The following TM4SF5 variants were observed in gnomAD, a reference collection of about 807,000 sequenced individuals.
TM4SF5 encodes transmembrane 4 L6 family member 5.
Under a neutral mutation model 22.3 loss-of-function variants are expected in TM4SF5, and 16 were observed. The ratio of observed to expected loss-of-function variants is 0.72; its 90% CI spans 0.49 to 1.09. The LOEUF is 1.09. Ranked by LOEUF, TM4SF5 falls within the 50% of genes least tolerant of loss-of-function variation. TM4SF5 has a pLI of 0.00. For synonymous variants in TM4SF5, 113 were observed against 109.6 expected (o/e 1.03, Z -0.19); for missense variants, 249 against 266.1 (o/e 0.94, Z 0.45).
Position 4,771,903 on chromosome 17 carries a change from G to A in TM4SF5, c.-20G>A, listed in dbSNP as rs1472331769. The A allele has an allele frequency of 1.2e-6, 2 of 1,613,938 alleles. No homozygotes were observed. The highest frequency in any genetic ancestry group is 1.7e-6 in the Non-Finnish European group (2 of 1,179,902). On this transcript the variant is annotated 5_prime_UTR_variant, in exon 1 of 5. Coordinates refer to ENST00000270560, the MANE Select transcript of TM4SF5 (RefSeq NM_003963.3). ...ACTGGCTTACTTTCACTCACCGCCT[G>A]TCCTTCCTGACACCTCACCATGTGT...
In TM4SF5 at chr17:4,782,803, G is replaced by T. The variant is rs765566807; in HGVS notation, c.396-51G>T. 4.4e-6 allele frequency: 7 copies of T among 1,583,824 alleles called. No individual in the cohort carries two copies. The African/African-American group carries it at 6.7e-5, about 15-fold the overall frequency. On this transcript the variant is annotated intron_variant, in intron 3 of 4. Transcript: ENST00000270560. ...CCTGGGACGTATTCTTGGGGGCGGG[G>T]TGGCGCACGCGCACGCTGCCTTCTC...
In TM4SF5 at chr17:4,782,590, C is replaced by T. The variant is rs1182941710; in HGVS notation, c.346C>T (p.Pro116Ser). ...SVSGAGLRNG[P>S]RCLMNGEWGY... is the part of the protein sequence containing the mutation. ...GTCTGGAGCTGGGCTCCGAAATGGACCCAGATGCTTAATGAACGGCGAGTG... is the reference window on the plus strand; with the variant it reads ...GTCTGGAGCTGGGCTCCGAAATGGATCCAGATGCTTAATGAACGGCGAGTG... The change falls in exon 3 of 5, where the codon CCC becomes TCC. Residue 116 changes from proline to serine, a missense_variant. Physicochemically the swap from Pro to Ser is moderately conservative, Grantham distance 74. Transcript: ENST00000270560. The T allele has an allele frequency of 6.2e-7, 1 of 1,613,992 alleles. No individual in the cohort carries two copies. Among genetic ancestry groups the T allele is most frequent in the African/African-American group, 1.3e-5 (1 of 74,918 alleles).
intron 3 of TM4SF5, 47 bp from the exon 4 acceptor site, chr17:4,782,807 C>T (rs372897841): frequency 7.6e-6 from 12 of 1,584,000 alleles, no homozygotes; most frequent in Admixed American, 3.5e-5. Context: ...GGCGGGGTGG[C>T]GCACGCGCAC....
chr17:4,774,682 C>T (rs1342275802), intron 1 of TM4SF5, among the ~76,000 whole-genome samples: 7 of 152,102 alleles, frequency 4.6e-5, no homozygotes, highest in East Asian at 1.9e-4. Context: ...CTGAGGCAGG[C>T]GGATCACCGA....
chr17:4,779,786 A>C (rs1253332726), intron 1 of TM4SF5, among the ~76,000 whole-genome samples: 1 of 152,196 alleles, frequency 6.6e-6, no homozygotes, highest in African/African-American at 2.4e-5. Context: ...ATTCAAGTGA[A>C]CATAGGATCT....
intron 2 of TM4SF5, among the ~76,000 whole-genome samples, chr17:4,781,135 TAAAAA>T (rs541886050): frequency 8.0e-6 from 1 of 125,170 alleles, no homozygotes; most frequent in Non-Finnish European, 1.6e-5. Flanking sequence ...AGCAGTGATT[TAAAAA>T]AAAAAAAAAA....
Position 4,780,821 on chromosome 17 carries a change from AG to A in TM4SF5, c.215del (p.Gly72AlafsTer48). 1 of 1,610,364 alleles carries A rather than the reference AG, an allele frequency of 6.2e-7. No homozygotes were observed. Among genetic ancestry groups the A allele is most frequent in the African/African-American group, 1.3e-5 (1 of 74,894 alleles). ...LCPGIAAVRAGGKGCCGAGCC... is the reference protein window; with the variant it reads ...LCPGIAAVRAXGKGCCGAGCC... ...GTCCGGGGATTGCAGCCGTTCGGGC[AG>A]GGGGCAAGGGCTGCTGTGGTGCTGG... On this transcript the variant is annotated frameshift_variant, in exon 2 of 5. Transcript: ENST00000270560. LOFTEE classifies it high-confidence loss of function.
intron 2 of TM4SF5, among the ~76,000 whole-genome samples, chr17:4,782,036 TAG>T (rs1327083915): frequency 6.6e-6 from 1 of 151,170 alleles, no homozygotes; most frequent in Non-Finnish European, 1.5e-5. Context: ...AGGAATTCCA[TAG>T]AGAGTGCTGT....
intron 2 of TM4SF5, 119 bp from the exon 3 acceptor site, chr17:4,782,384 A>G: frequency 7.6e-7 from 1 of 1,316,988 alleles, no homozygotes; most frequent in Non-Finnish European, 1.1e-6. Flanking sequence ...CGGCATTAAA[A>G]AATACATTTT....
intron 2 of TM4SF5, 92 bp from the exon 3 acceptor site, chr17:4,782,408 GAGC>G (rs1917328407): frequency 5.4e-6 from 8 of 1,467,916 alleles, no homozygotes; most frequent in Non-Finnish European, 6.6e-6. Context: ...AACCCGACTG[GAGC>G]AGATTTCGAT....
chr17:4,782,996 G>A lies in TM4SF5; in HGVS notation c.538G>A (p.Ala180Thr). The A allele has an allele frequency of 1.2e-6, 2 of 1,614,220 alleles. No homozygotes were observed. The highest frequency in any genetic ancestry group is 1.7e-6 in the Non-Finnish European group (2 of 1,180,048). ...ACTGTGTGGGATCCAGCTGGTGAACGCGACCATTGGTGTCTTCTGCGGCGA... is the reference window on the plus strand; with the variant it reads ...ACTGTGTGGGATCCAGCTGGTGAACACGACCATTGGTGTCTTCTGCGGCGA... ...IVLCGIQLVN[A>T]TIGVFCGDCR... The change falls in exon 4 of 5, where the codon GCG (alanine) becomes ACG (threonine). Residue 180 changes from alanine (A) to threonine (T), a missense_variant. Ala to Thr is a moderately conservative substitution (Grantham distance 58). Transcript: ENST00000270560.
Position 4,782,889 on chromosome 17 carries a change from G to A in TM4SF5, c.431G>A (p.Arg144Gln), listed in dbSNP as rs771748392. 1 of 1,613,998 alleles carries A rather than the reference G, an allele frequency of 6.2e-7. No homozygotes were observed. Among genetic ancestry groups the A allele is most frequent in the Admixed American group, 1.7e-5 (1 of 60,002 alleles). ...AYLLNRTLWD[R>Q]CEAPPRVVPW... Reference sequence around the variant, plus strand: ...TTGCTCAACCGCACTCTATGGGATCGGTGCGAGGCGCCCCCTCGCGTGGTC... The same window carrying A: ...TTGCTCAACCGCACTCTATGGGATCAGTGCGAGGCGCCCCCTCGCGTGGTC... Residue 144 changes from arginine (R) to glutamine (Q), a missense_variant, in exon 4 of 5, where the codon CGG (arginine) becomes CAG (glutamine). Transcript: ENST00000270560.
intron 2 of TM4SF5, among the ~76,000 whole-genome samples, chr17:4,782,010 A>T (rs1917318738): frequency 6.6e-6 from 1 of 151,560 alleles, no homozygotes; most frequent in South Asian, 2.1e-4. Flanking sequence ...GAGTCCGCAG[A>T]GGAGCTTGTG....
intron 1 of TM4SF5, among the ~76,000 whole-genome samples, chr17:4,777,251 A>G (rs529504761): frequency 1.3e-4 from 20 of 152,108 alleles, no homozygotes; most frequent in Non-Finnish European, 2.1e-4. Context: ...GAAGACATCC[A>G]GGAGAGATGA....
rs1296560731 is a variant in TM4SF5, at chr17:4,772,078, C to T, written c.156C>T (p.Gly52=). 2 of 1,614,222 alleles carry T rather than the reference C, an allele frequency of 1.2e-6. No individual in the cohort carries two copies. The highest frequency in any genetic ancestry group is 2.2e-5 in the East Asian group (1 of 44,882). The change falls in exon 1 of 5, where the codon GGC becomes GGT. Residue 52 remains glycine (G), a synonymous_variant. Transcript: ENST00000270560. ...HLSLQVWLMG[G]FIGGGLMVLC... ...GCTTGCAAGTCTGGCTCATGGGCGG[C>T]TTCATTGGCGGGGGCCTAATGGTGA...
At chr17:4,777,943 T>C (rs1027179626) in intron 1 of TM4SF5, among the ~76,000 whole-genome samples, 2 of 151,844 alleles carry the variant, frequency 1.3e-5, no homozygotes, top group Non-Finnish European at 2.9e-5. Flanking sequence ...GCTACTCTAA[T>C]GCTAAGGTGA....
rs148841605 is a variant in TM4SF5, at chr17:4,782,951, G to A, written c.493G>A (p.Ala165Thr). 10 of 1,614,234 alleles carry A rather than the reference G, an allele frequency of 6.2e-6. No homozygotes were observed. The highest frequency in any genetic ancestry group is 8.5e-6 in the Non-Finnish European group (10 of 1,180,026). Reference protein sequence around the residue: ...NVTLFSLLVAASCLEIVLCGI... With the variant: ...NVTLFSLLVATSCLEIVLCGI... ...GACGCTCTTCTCGCTGCTGGTGGCC[G>A]CCTCCTGCCTGGAGATAGTACTGTG... Residue 165 changes from alanine (A) to threonine (T), a missense_variant, in exon 4 of 5, where the codon GCC becomes ACC. Coordinates refer to ENST00000270560, the MANE Select transcript of TM4SF5 (RefSeq NM_003963.3).
At position 4,771,988 on chromosome 17, in the gene TM4SF5, T is replaced by G. The variant is rs1917117528; in HGVS notation, c.66T>G (p.Ile22Met). The G allele has an allele frequency of 6.2e-7, 1 of 1,614,038 alleles. No individual in the cohort carries two copies. The highest frequency in any genetic ancestry group is 1.3e-5 in the African/African-American group (1 of 74,926). The part of the protein sequence containing the change: ...LSLITLCLVC[I>M]VANALLLVPN... Reference sequence around the variant, plus strand: ...TCATTACCCTCTGCCTCGTCTGCATTGTGGCCAACGCCCTCCTGCTGGTAC... The same window carrying G: ...TCATTACCCTCTGCCTCGTCTGCATGGTGGCCAACGCCCTCCTGCTGGTAC... Residue 22 changes from isoleucine (I) to methionine (M), a missense_variant, in exon 1 of 5, where the codon ATT becomes ATG. By Grantham distance (10) the Ile-to-Met change is conservative. Coordinates refer to ENST00000270560, the MANE Select transcript of TM4SF5 (RefSeq NM_003963.3).
chr17:4,776,070 C>T (rs781484697), intron 1 of TM4SF5, among the ~76,000 whole-genome samples: 1 of 151,504 alleles, frequency 6.6e-6, no homozygotes, highest in Admixed American at 6.6e-5. Flanking sequence ...GCTGGTCTCG[C>T]ACTCCCGACC....
Sources: allele counts gnomAD v4.1 joint callset (sites outside exome capture counted in the v4.1 genomes callset), GRCh38; gene constraint gnomAD v4.1.1; transcripts MANE v1.5; gene names NCBI Gene and HGNC (gene_info 2026-07-23, HGNC 2026-07-21).